MGLL: variants seen among roughly 807,000 people sequenced by gnomAD.
MGLL encodes monoglyceride lipase.
A neutral mutation model predicts 29.1 loss-of-function variants in MGLL; 7 were observed. That is an observed-to-expected ratio of 0.24 (90% CI 0.14 to 0.45). The LOEUF is 0.45. MGLL is among the 20% of genes least tolerant of loss of function. The pLI, the probability that MGLL is intolerant of heterozygous loss-of-function variation, is 0.99. For missense variants in MGLL, 356 were observed against 413.6 expected, an observed-to-expected ratio of 0.86 and a Z score of 1.21; for synonymous variants, 148 against 168.3, an observed-to-expected ratio of 0.88 and a Z score of 0.93.
At chr3:127,816,220 G>A (rs550785101) in intron 2 of MGLL, among the ~76,000 whole-genome samples, 1 of 152,298 alleles carries the variant, frequency 6.6e-6, no homozygotes, top group African/African-American at 2.4e-5. Flanking sequence ...CAGCAGCTGC[G>A]GCCTGGGGAG....
chr3:127,722,474 T>C lies in MGLL; in HGVS notation c.355A>G (p.Lys119Glu). The C allele has an allele frequency of 6.2e-7, 1 of 1,614,226 alleles. No individual in the cohort carries two copies. Among genetic ancestry groups the C allele is most frequent in the South Asian group, 1.1e-5 (1 of 91,084 alleles). ...AAGACAGGAAGCCCAGGGTAGTCTTTCTGCATGGAATCCACATGCTGCAAC... is the reference window on the plus strand; with the variant it reads ...AAGACAGGAAGCCCAGGGTAGTCTTCCTGCATGGAATCCACATGCTGCAAC... ...DVLQHVDSMQ[K>E]DYPGLPVFLL... The change falls in exon 4 of 8, where the codon AAA becomes GAA. Residue 119 changes from lysine to glutamate, a missense_variant. Lys to Glu is a moderately conservative substitution (Grantham distance 56, BLOSUM62 1). Coordinates refer to ENST00000265052, the MANE Select transcript of MGLL (RefSeq NM_007283.7).
chr3:127,747,487 C>T (rs777561922), intron 3 of MGLL, among the ~76,000 whole-genome samples: 5 of 152,170 alleles, frequency 3.3e-5, no homozygotes, highest in African/African-American at 4.8e-5. Flanking sequence ...GTCTTTGTAT[C>T]TCCAGCACCT....
intron 5 of MGLL, chr3:127,716,029 C>T (rs1182207430): frequency 2.8e-6 from 1 of 352,324 alleles, no homozygotes; most frequent in Non-Finnish European, 5.6e-6. Flanking sequence ...TGCCCCATGA[C>T]CCTGGTGAAA....
intron 2 of MGLL, among the ~76,000 whole-genome samples, chr3:127,810,575 T>A (rs987074328): frequency 6.6e-6 from 1 of 152,134 alleles, no homozygotes; most frequent in South Asian, 2.1e-4. Context: ...CAAGACAACA[T>A]CCATGGTGTA....
intron 4 of MGLL, 131 bp downstream of exon 4, chr3:127,722,299 A>G (rs1421803924): frequency 5.2e-6 from 6 of 1,144,572 alleles, no homozygotes; most frequent in Non-Finnish European, 7.8e-6. Flanking sequence ...CTCCAAGTGC[A>G]GTGCACAAAG....
intron 2 of MGLL, among the ~76,000 whole-genome samples, chr3:127,804,452 A>G (rs1171859671): frequency 1.3e-5 from 2 of 152,222 alleles, no homozygotes; most frequent in African/African-American, 4.8e-5. Flanking sequence ...CACTCCTGCC[A>G]TGGCCACCTA....
At chr3:127,707,489 G>C (rs2075626015) in intron 6 of MGLL, among the ~76,000 whole-genome samples, 2 of 152,358 alleles carry the variant, frequency 1.3e-5, no homozygotes, top group South Asian at 4.1e-4. Context: ...CTGATGTTCT[G>C]ATCAGGGACC....
At chr3:127,751,753 C>A (rs111901919) in intron 3 of MGLL, among the ~76,000 whole-genome samples, 3,365 of 151,988 alleles carry the variant, frequency 0.022, 135 homozygotes, top group African/African-American at 0.076. Context: ...AAAAAAACCC[C>A]AAAAAATAAA....
At chr3:127,734,949 A>G (rs952159856) in intron 3 of MGLL, among the ~76,000 whole-genome samples, 1 of 152,230 alleles carries the variant, frequency 6.6e-6, no homozygotes, top group African/African-American at 2.4e-5. Flanking sequence ...GAAAGGAGGA[A>G]TCTTACAGAA....
intron 3 of MGLL, among the ~76,000 whole-genome samples, chr3:127,778,284 G>C (rs1381870004): frequency 6.6e-6 from 1 of 152,172 alleles, no homozygotes. Context: ...CTTCAGAACG[G>C]CCTGTGCAGG....
At chr3:127,752,400 T>C (rs2076576972) in intron 3 of MGLL, among the ~76,000 whole-genome samples, 1 of 152,188 alleles carries the variant, frequency 6.6e-6, no homozygotes, top group African/African-American at 2.4e-5. Context: ...CGCCCGGCCG[T>C]CATTTTGTTT....
At chr3:127,707,392 T>A (rs1388548168) in intron 6 of MGLL, among the ~76,000 whole-genome samples, 1 of 152,228 alleles carries the variant, frequency 6.6e-6, no homozygotes, top group Non-Finnish European at 1.5e-5. Context: ...CTCTTTAGAA[T>A]CACGTTCAAG....
chr3:127,737,550 C>T (rs2076262445), intron 3 of MGLL, among the ~76,000 whole-genome samples: 1 of 150,172 alleles, frequency 6.7e-6, no homozygotes, highest in Non-Finnish European at 1.5e-5. Context: ...ATTCTCCGCA[C>T]TGGAACATCT....
At chr3:127,707,149 T>C (rs971685133) in intron 6 of MGLL, among the ~76,000 whole-genome samples, 1 of 152,146 alleles carries the variant, frequency 6.6e-6, no homozygotes, top group African/African-American at 2.4e-5. Context: ...AGGGTACTTA[T>C]AAAGAACAGA....
chr3:127,695,605 G>A (rs894362405), intron 6 of MGLL, among the ~76,000 whole-genome samples: 3 of 152,140 alleles, frequency 2.0e-5, no homozygotes, highest in Admixed American at 6.5e-5. Context: ...CTAGCTGGGC[G>A]TGGTGGTGGG....
chr3:127,720,957 T>A, intron 5 of MGLL, 96 bp downstream of exon 5: 1 of 1,029,514 alleles, frequency 9.7e-7, no homozygotes, highest in Non-Finnish European at 1.5e-6. Flanking sequence ...GGTCCAAGGA[T>A]GGCCTTTGGT....
chr3:127,809,004 G>C (rs1379456726), intron 2 of MGLL, among the ~76,000 whole-genome samples: 1 of 152,184 alleles, frequency 6.6e-6, no homozygotes, highest in Non-Finnish European at 1.5e-5. Flanking sequence ...GCAGATCCAA[G>C]GTTGGCTCAG....
At chr3:127,803,345 A>C (rs567731583) in intron 2 of MGLL, among the ~76,000 whole-genome samples, 1 of 152,194 alleles carries the variant, frequency 6.6e-6, no homozygotes, top group South Asian at 2.1e-4. Context: ...GGCAGTGGGC[A>C]CCCACCTCCA....
In MGLL at chr3:127,743,218, T is replaced by C. The variant is rs77521492; in HGVS notation, c.263-20652A>G. On this transcript the variant is annotated intron_variant, in intron 3 of 7. Transcript: ENST00000265052. ...ATCTTCCAGTTTCAGCAGATTCCCC[T>C]GAAATTGCTGTGTATTTTCAGATTC... Among the ~76,000 whole-genome samples the C allele has an allele frequency of 7.2e-5, 11 of 152,346 alleles. No homozygotes were observed. The East Asian group carries it at 1.9e-3, about 27-fold the overall frequency.
Sources: allele counts gnomAD v4.1 joint callset (sites outside exome capture counted in the v4.1 genomes callset), GRCh38; gene constraint gnomAD v4.1.1; transcripts MANE v1.5; gene names NCBI Gene and HGNC (gene_info 2026-07-23, HGNC 2026-07-21).